Variants in CALN1 observed in about 807,000 individuals in gnomAD.
The protein encoded by CALN1 is calcium-binding protein 8.
A neutral mutation model predicts 30.6 loss-of-function variants in CALN1; 17 were observed. The ratio of observed to expected loss-of-function variants is 0.56; its 90% CI spans 0.38 to 0.83. CALN1 has a LOEUF of 0.83. Ranked by LOEUF, CALN1 falls within the 40% of genes least tolerant of loss-of-function variation. The pLI, the probability that CALN1 is intolerant of heterozygous loss-of-function variation, is 0.00. For missense variants in CALN1, 291 were observed against 354.9 expected, an observed-to-expected ratio of 0.82 and a Z score of 1.45; for synonymous variants, 156 against 131.4, an observed-to-expected ratio of 1.19 and a Z score of -1.28.
At chr7:72,395,784 C>A (rs1034533464) in intron 2 of CALN1, among the ~76,000 whole-genome samples, 9 of 152,050 alleles carry the variant, frequency 5.9e-5, no homozygotes, top group African/African-American at 9.7e-5. Context: ...GGAACAAGAG[C>A]AAGCAAAGCA....
chr7:72,223,051 G>GTA (rs757821022), intron 3 of CALN1, among the ~76,000 whole-genome samples: 7 of 152,230 alleles, frequency 4.6e-5, no homozygotes, highest in Middle Eastern at 3.4e-3. Context: ...AAAGGAGAGG[G>GTA]TAGCCCCTGC....
intron 3 of CALN1, among the ~76,000 whole-genome samples, chr7:72,118,763 G>C (rs1029194169): frequency 1.3e-5 from 2 of 152,158 alleles, no homozygotes; most frequent in South Asian, 2.1e-4. Context: ...AATTCTCAGG[G>C]CTGACCCCTC....
intron 4 of CALN1, among the ~76,000 whole-genome samples, chr7:72,030,840 C>T (rs563296847): frequency 5.6e-4 from 85 of 151,832 alleles, no homozygotes; most frequent in Non-Finnish European, 1.1e-3. Flanking sequence ...CCAAACTCCT[C>T]GGCTGAAGGG....
chr7:72,345,643 T>C (rs1347459838), intron 2 of CALN1, among the ~76,000 whole-genome samples: 3 of 151,806 alleles, frequency 2.0e-5, no homozygotes, highest in Non-Finnish European at 4.4e-5. Flanking sequence ...TCTTGGGAAA[T>C]TGGAGTCTAT....
At chr7:71,833,819 G>A (rs1186486300) in intron 5 of CALN1, among the ~76,000 whole-genome samples, 2 of 152,102 alleles carry the variant, frequency 1.3e-5, no homozygotes, top group Non-Finnish European at 2.9e-5. Flanking sequence ...AAGCTGAGGT[G>A]GGAGGATCAC....
intron 4 of CALN1, among the ~76,000 whole-genome samples, chr7:72,049,249 G>A (rs1161576880): frequency 6.6e-6 from 1 of 152,020 alleles, no homozygotes; most frequent in Non-Finnish European, 1.5e-5. Flanking sequence ...ATAAAAAAGA[G>A]GTAAAATGAT....
rs1023389345 is a variant in CALN1 at position 71,786,108 on chromosome 7, T to C, written c.*1667A>G. 25 of 152,546 alleles carry C rather than the reference T, an allele frequency of 1.6e-4. No homozygotes were observed. The highest frequency in any genetic ancestry group is 4.3e-4 in the African/African-American group (18 of 41,436). 9.4% of individuals were successfully genotyped at this position (152,546 alleles called of 1,614,324 possible). On this transcript the variant is annotated 3_prime_UTR_variant, in exon 7 of 7. Coordinates refer to ENST00000395275, the MANE Select transcript of CALN1 (RefSeq NM_031468.4). ...GCAGAGGTGAATGAGAAAACTTTCATTGGAGACCTTGGGTGCTCCAAGTCT... is the reference window on the plus strand; with the variant it reads ...GCAGAGGTGAATGAGAAAACTTTCACTGGAGACCTTGGGTGCTCCAAGTCT...
chr7:72,061,920 A>C (rs76819938), intron 4 of CALN1, among the ~76,000 whole-genome samples: 9,382 of 152,188 alleles, frequency 0.062, 948 homozygotes, highest in African/African-American at 0.21. Context: ...TGAAGAATAA[A>C]GACAAAGAAA....
the CALN1 span, among the ~76,000 whole-genome samples, chr7:72,472,156 C>A: frequency 1.3e-5 from 2 of 152,128 alleles, no homozygotes; most frequent in African/African-American, 2.4e-5. Flanking sequence ...AAATCCACCA[C>A]AGTGAAGGCA....
intron 5 of CALN1, among the ~76,000 whole-genome samples, chr7:72,000,897 C>G (rs937027357): frequency 6.6e-6 from 1 of 152,200 alleles, no homozygotes; most frequent in Non-Finnish European, 1.5e-5. Flanking sequence ...GGTTCCCTCT[C>G]GACCAGGAAT....
At chr7:72,295,758 T>C (rs1383989779) in intron 2 of CALN1, among the ~76,000 whole-genome samples, 1 of 151,518 alleles carries the variant, frequency 6.6e-6, no homozygotes, top group Non-Finnish European at 1.5e-5. Context: ...TTAAGGAGAT[T>C]TTGGGCTGAG....
At chr7:72,466,348 C>T in the CALN1 span, among the ~76,000 whole-genome samples, 1 of 152,116 alleles carries the variant, frequency 6.6e-6, no homozygotes, top group South Asian at 2.1e-4. Context: ...CCCAAGACAA[C>T]TGTGGCAGTA....
At chr7:71,856,998 C>G (rs1790985638) in intron 5 of CALN1, among the ~76,000 whole-genome samples, 1 of 143,380 alleles carries the variant, frequency 7.0e-6, no homozygotes, top group Admixed American at 7.3e-5. Context: ...TGTAGACAAC[C>G]TCATGGTGTG....
At chr7:72,003,138 A>G (rs1292727658) in intron 5 of CALN1, among the ~76,000 whole-genome samples, 1 of 152,208 alleles carries the variant, frequency 6.6e-6, no homozygotes, top group East Asian at 1.9e-4. Context: ...ATGTAACTAT[A>G]AATCTATACA....
chr7:72,142,117 C>T (rs1403377720), intron 3 of CALN1, among the ~76,000 whole-genome samples: 2 of 152,104 alleles, frequency 1.3e-5, no homozygotes, highest in African/African-American at 2.4e-5. Flanking sequence ...GATTGTCAGA[C>T]AGTGGGTGCA....
chr7:72,456,507 G>A, the CALN1 span, among the ~76,000 whole-genome samples: 2 of 151,984 alleles, frequency 1.3e-5, no homozygotes, highest in Admixed American at 6.6e-5. Context: ...CACTGCACTC[G>A]AGCCCATGAG....
rs1364147766 is a variant in CALN1 at position 72,412,163 on chromosome 7, C to G, written c.-179G>C. ...GTTACAGCTCTTAAAGATGGCGCGTCCGGAGTCGTCTGCTCCTCCCGGTGG... is the reference window on the plus strand; with the variant it reads ...GTTACAGCTCTTAAAGATGGCGCGTGCGGAGTCGTCTGCTCCTCCCGGTGG... On this transcript the variant is annotated 5_prime_UTR_variant, in exon 1 of 7. Transcript: ENST00000395275. 2.6e-5 allele frequency: 4 copies of G among 152,572 alleles called. No homozygotes were observed. Among genetic ancestry groups the G allele is most frequent in the African/African-American group, 7.3e-5 (3 of 41,242 alleles). 9.5% of individuals were successfully genotyped at this position (152,572 alleles called of 1,614,324 possible).
intron 5 of CALN1, among the ~76,000 whole-genome samples, chr7:71,872,489 C>T (rs566704099): frequency 2.6e-5 from 4 of 152,248 alleles, no homozygotes; most frequent in East Asian, 3.9e-4. Context: ...TCCTCAGAGA[C>T]GGTTAATGTC....
At chr7:72,005,655 A>G (rs1316178993) in intron 5 of CALN1, among the ~76,000 whole-genome samples, 1 of 152,114 alleles carries the variant, frequency 6.6e-6, no homozygotes, top group African/African-American at 2.4e-5. Context: ...TGATACAACA[A>G]TTTGAATGAA....
Sources: gnomAD v4.1 joint callset for allele counts (sites outside exome capture counted in the v4.1 genomes callset) on GRCh38, gnomAD v4.1.1 for gene constraint, MANE v1.5 for transcripts, NCBI Gene and HGNC (gene_info 2026-07-23, HGNC 2026-07-21) for gene names.